The following NAA25 variants were observed in gnomAD, a reference collection of about 807,000 sequenced individuals.
NAA25 encodes N-terminal acetyltransferase B complex subunit NAA25.
Under a neutral mutation model 132.5 loss-of-function variants are expected in NAA25, and 30 were observed. The observed-to-expected ratio is 0.23, with a 90% CI of 0.17 to 0.31. The LOEUF (loss-of-function observed/expected upper bound fraction) is 0.31. Among genes scored for constraint, NAA25 ranks in the 10% least tolerant of loss-of-function variants. The probability of loss-of-function intolerance (pLI) is 1.00; values close to 1 mark genes in which losing one functional copy is unlikely to be tolerated. For missense variants in NAA25, 771 were observed against 1,150.4 expected, an observed-to-expected ratio of 0.67 and a Z score of 4.77; for synonymous variants, 359 against 401.9, an observed-to-expected ratio of 0.89 and a Z score of 1.28.
rs2079159472 is a variant in NAA25 at position 112,093,042 on chromosome 12, T to C, written c.144+9A>G. 6.3e-7 allele frequency: 1 copy of C among 1,592,330 alleles called. No individual in the cohort carries two copies. The highest frequency in any genetic ancestry group is 8.6e-7 in the Non-Finnish European group (1 of 1,165,968). ...CACAGGTAAGTAACTGAAGGGCAAA[T>C]GAAGTTACCTTAGCACAATGAAGAT... On this transcript the variant is annotated intron_variant, in intron 2 of 23. Coordinates refer to ENST00000261745, the MANE Select transcript of NAA25 (RefSeq NM_024953.4).
intron 7 of NAA25, 44 bp downstream of exon 7, chr12:112,078,144 A>C (rs913397852): frequency 1.5e-6 from 2 of 1,368,560 alleles, no homozygotes; most frequent in African/African-American, 2.9e-5. Flanking sequence ...TTTCATGTTT[A>C]AATAGGAAAA....
At chr12:112,105,930 G>T (rs1023057176) in intron 1 of NAA25, among the ~76,000 whole-genome samples, 13 of 152,172 alleles carry the variant, frequency 8.5e-5, no homozygotes, top group African/African-American at 2.9e-4. Flanking sequence ...TGAATTTTTG[G>T]CTGGTGGGCA....
In NAA25 at chr12:112,040,593, C is replaced by G; in HGVS notation, c.2441-15G>C. 1 of 1,433,042 alleles carries G rather than the reference C, an allele frequency of 7.0e-7. No individual in the cohort carries two copies. The allele number at this position is 1,433,042 out of a possible 1,614,324, so 88.8% of individuals were successfully genotyped here. A position where few individuals can be genotyped will look rare whatever the true frequency, so the allele number is the denominator to read the frequency against. ...ACTGAAGACATCTGAAAACAAAAAACATTTTAGTTTTATTCAGCTTTTGTT... is the reference window on the plus strand; with the variant it reads ...ACTGAAGACATCTGAAAACAAAAAAGATTTTAGTTTTATTCAGCTTTTGTT... On this transcript the variant is annotated splice_polypyrimidine_tract_variant and intron_variant, in intron 20 of 23. Transcript: ENST00000261745.
chr12:112,060,921 T>C (rs1030902827), intron 12 of NAA25, among the ~76,000 whole-genome samples: 2 of 152,186 alleles, frequency 1.3e-5, no homozygotes, highest in Admixed American at 1.3e-4. Flanking sequence ...TCATAAACTA[T>C]GCAATCTATA....
At chr12:112,074,631 A>G (rs1326016096) in intron 9 of NAA25, 44 bp downstream of exon 9, 2 of 1,184,282 alleles carry the variant, frequency 1.7e-6, no homozygotes, top group Middle Eastern at 1.9e-4. Flanking sequence ...TCACTACACT[A>G]TATTAAAAAG....
At chr12:112,087,947 TGG>T in intron 3 of NAA25, 146 bp from the exon 4 acceptor site, 1 of 617,024 alleles carries the variant, frequency 1.6e-6, no homozygotes, top group Non-Finnish European at 2.9e-6. Flanking sequence ...ATTCATCTCT[TGG>T]TTAGGTGGTG....
At chr12:112,035,963 G>A (rs1167900658) in intron 22 of NAA25, among the ~76,000 whole-genome samples, 1 of 152,130 alleles carries the variant, frequency 6.6e-6, no homozygotes, top group African/African-American at 2.4e-5. Flanking sequence ...TGGGATTATA[G>A]GTGTGAACCG....
chr12:112,058,796 C>T (rs2078582920), intron 13 of NAA25, among the ~76,000 whole-genome samples: 1 of 152,028 alleles, frequency 6.6e-6, no homozygotes, highest in Admixed American at 6.6e-5. Flanking sequence ...CAGTGGCTCA[C>T]ACCTGTAATC....
rs1433917070 is a variant in NAA25 at position 112,029,397 on chromosome 12, C to A, written c.*134G>T. On this transcript the variant is annotated 3_prime_UTR_variant, in exon 24 of 24. Coordinates refer to ENST00000261745, the MANE Select transcript of NAA25 (RefSeq NM_024953.4). ...TATATATTTAACACCTAAAAAAATT[C>A]ACGATCAAAGTCCTTCATGCATTTT... is the stretch of plus-strand genomic sequence containing the variant. 7.1e-7 allele frequency: 1 copy of A among 1,407,914 alleles called. No individual in the cohort carries two copies. The highest frequency in any genetic ancestry group is 9.6e-7 in the Non-Finnish European group (1 of 1,040,504). 87.2% of individuals were successfully genotyped at this position (1,407,914 alleles called of 1,614,324 possible). A position where few individuals can be genotyped will look rare whatever the true frequency, so the allele number is the denominator to read the frequency against.
At chr12:112,054,970 A>G (rs2078523129) in intron 13 of NAA25, among the ~76,000 whole-genome samples, 1 of 152,168 alleles carries the variant, frequency 6.6e-6, no homozygotes, top group Admixed American at 6.5e-5. Flanking sequence ...TTTCTTCCAT[A>G]TGTAACTCTA....
At chr12:112,052,549 A>G (rs2078482701) in intron 15 of NAA25, among the ~76,000 whole-genome samples, 1 of 152,184 alleles carries the variant, frequency 6.6e-6, no homozygotes, top group Non-Finnish European at 1.5e-5. Context: ...CCATTCCCTA[A>G]AACTTGTCAG....
At chr12:112,031,351 T>C (rs7304461) in intron 23 of NAA25, among the ~76,000 whole-genome samples, 6,442 of 152,334 alleles carry the variant, frequency 0.042, 306 homozygotes, top group African/African-American at 0.11. Context: ...CAAAACTATA[T>C]GCATCAGGTA....
Position 112,048,367 on chromosome 12 carries a change from C to T in NAA25, c.1805G>A (p.Arg602Lys). The T allele has an allele frequency of 6.2e-7, 1 of 1,614,066 alleles. No homozygotes were observed. Among genetic ancestry groups the T allele is most frequent in the Non-Finnish European group, 8.5e-7 (1 of 1,179,980 alleles). ...TGCAAAATGAAGAGAATTATTCAGC[C>T]TGTTCCTAAAAGCGATAAACTCTGG... ...KIPEFIAFRN[R>K]LNNSLHFAQV... The change falls in exon 16 of 24, where the codon AGG becomes AAG. Residue 602 changes from arginine to lysine, a missense_variant. Coordinates refer to ENST00000261745, the MANE Select transcript of NAA25 (RefSeq NM_024953.4).
chr12:112,069,495 T>C (rs1815851894), intron 10 of NAA25, among the ~76,000 whole-genome samples: 1 of 151,978 alleles, frequency 6.6e-6, no homozygotes, highest in Non-Finnish European at 1.5e-5. Flanking sequence ...AGAGCAAGAC[T>C]CCATTCAAAA....
intron 10 of NAA25, among the ~76,000 whole-genome samples, chr12:112,070,796 G>C (rs2078793759): frequency 6.6e-6 from 1 of 152,154 alleles, no homozygotes; most frequent in Non-Finnish European, 1.5e-5. Flanking sequence ...ACCCAGGCTA[G>C]AGTGCAGCGG....
intron 12 of NAA25, 28 bp downstream of exon 12, chr12:112,061,153 C>CT (rs1422643619): frequency 4.8e-6 from 7 of 1,472,654 alleles, no homozygotes; most frequent in Non-Finnish European, 6.4e-6. Context: ...GATCAGGGAA[C>CT]TACTGCACAT....
chr12:112,046,802 TTCTTATTG>T (rs774550968), intron 17 of NAA25, among the ~76,000 whole-genome samples: 3 of 152,208 alleles, frequency 2.0e-5, no homozygotes, highest in Non-Finnish European at 2.9e-5. Context: ...ATTTCTTATT[TTCTTATTG>T]ACTTATTAAG....
chr12:112,084,529 G>A (rs1000097342), intron 4 of NAA25, among the ~76,000 whole-genome samples: 6 of 152,336 alleles, frequency 3.9e-5, no homozygotes, highest in South Asian at 2.1e-4. Context: ...AGTGGCTCAC[G>A]CCTGTAATCC....
At chr12:112,067,814 C>A (rs1196327310) in intron 11 of NAA25, among the ~76,000 whole-genome samples, 1 of 152,226 alleles carries the variant, frequency 6.6e-6, no homozygotes, top group Admixed American at 6.5e-5. Flanking sequence ...CAGATCACTG[C>A]AACCTCCGCC....
Sources: allele counts gnomAD v4.1 joint callset (sites outside exome capture counted in the v4.1 genomes callset), GRCh38; gene constraint gnomAD v4.1.1; transcripts MANE v1.5; gene names NCBI Gene and HGNC (gene_info 2026-07-23, HGNC 2026-07-21).